DYNLL1: variants seen among roughly 807,000 people sequenced by gnomAD.
DYNLL1 encodes the protein dynein light chain 1, cytoplasmic.
A neutral mutation model predicts 10.1 loss-of-function variants in DYNLL1; 3 were observed. The observed-to-expected ratio is 0.30, with a 90% CI of 0.14 to 0.77. DYNLL1 has a LOEUF of 0.77. Ranked by LOEUF, DYNLL1 falls within the 30% of genes least tolerant of loss-of-function variation. DYNLL1 has a pLI of 0.66. For missense variants in DYNLL1, 47 were observed against 111.7 expected (o/e 0.42, Z 2.61); for synonymous variants, 46 against 41.2 (o/e 1.12, Z -0.45).
intron 1 of DYNLL1, among the ~76,000 whole-genome samples, chr12:120,485,573 C>T (rs1197533489): frequency 3.3e-5 from 5 of 152,112 alleles, no homozygotes; most frequent in Non-Finnish European, 5.9e-5. Context: ...GGTTCAGTGG[C>T]TCATGCCTAT....
chr12:120,476,231 T>G (rs1454757805), intron 1 of DYNLL1, among the ~76,000 whole-genome samples: 2 of 152,052 alleles, frequency 1.3e-5, no homozygotes, highest in Non-Finnish European at 2.9e-5. Context: ...ATGAACTGCG[T>G]CAATATAATT....
chr12:120,494,501 C>A (rs1879217399), upstream of DYNLL1, among the ~76,000 whole-genome samples: 1 of 152,008 alleles, frequency 6.6e-6, no homozygotes. Context: ...GTCTCAAACT[C>A]CTTACCTCAG....
chr12:120,485,430 A>G (rs1392294945), intron 1 of DYNLL1, among the ~76,000 whole-genome samples: 1 of 151,554 alleles, frequency 6.6e-6, no homozygotes, highest in Non-Finnish European at 1.5e-5. Context: ...CAATTTTTGT[A>G]TTTTTAGTAG....
intron 1 of DYNLL1, chr12:120,487,974 G>A (rs1879035436): frequency 6.6e-6 from 1 of 152,236 alleles, no homozygotes; most frequent in Non-Finnish European, 1.5e-5. Context: ...AGAATCTCCA[G>A]AGCACATTAG....
intron 1 of DYNLL1, among the ~76,000 whole-genome samples, chr12:120,481,599 G>A (rs938529443): frequency 4.6e-5 from 7 of 152,234 alleles, no homozygotes; most frequent in African/African-American, 1.7e-4. Context: ...GCGGGGCACA[G>A]CAGGAGGAGG....
chr12:120,479,990 C>A (rs1252221811), intron 1 of DYNLL1, among the ~76,000 whole-genome samples: 1 of 152,084 alleles, frequency 6.6e-6, no homozygotes, highest in Non-Finnish European at 1.5e-5. Context: ...GTGGCATGAT[C>A]AGTCTGGGGG....
At chr12:120,485,839 TAAAAA>T (rs749971979) in intron 1 of DYNLL1, among the ~76,000 whole-genome samples, 2 of 76,246 alleles carry the variant, frequency 2.6e-5, no homozygotes, top group Non-Finnish European at 4.8e-5. Context: ...AGTCCCTGTC[TAAAAA>T]AAAAAAAAAA....
At chr12:120,475,528 A>G (rs1409546835) in intron 1 of DYNLL1, among the ~76,000 whole-genome samples, 2 of 152,210 alleles carry the variant, frequency 1.3e-5, no homozygotes, top group African/African-American at 4.8e-5. Flanking sequence ...GAGAATCTCC[A>G]TGTAGCACTG....
At chr12:120,490,620 G>C (rs2137066655) in intron 1 of DYNLL1, 1 of 152,312 alleles carries the variant, frequency 6.6e-6, no homozygotes, top group African/African-American at 2.4e-5. Flanking sequence ...GATTGTTTAG[G>C]GTGGTGCTTT....
At chr12:120,472,665 A>G (rs1019147401) in intron 1 of DYNLL1, among the ~76,000 whole-genome samples, 9 of 152,230 alleles carry the variant, frequency 5.9e-5, no homozygotes, top group Non-Finnish European at 1.0e-4. Context: ...AAGTGACTCA[A>G]TAGGACTGTA....
chr12:120,489,376 ATTC>A (rs1460338295), intron 1 of DYNLL1, among the ~76,000 whole-genome samples: 2 of 152,172 alleles, frequency 1.3e-5, no homozygotes, highest in African/African-American at 4.8e-5. Flanking sequence ...ATCTCAATCT[ATTC>A]TTCTCATTGT....
chr12:120,475,455 G>A (rs1369275400), intron 1 of DYNLL1, among the ~76,000 whole-genome samples: 1 of 152,180 alleles, frequency 6.6e-6, no homozygotes, highest in South Asian at 2.1e-4. Context: ...CCCTGATCCT[G>A]CAAAGTTGTA....
At chr12:120,476,183 T>C (rs552870059) in intron 1 of DYNLL1, among the ~76,000 whole-genome samples, 1 of 152,312 alleles carries the variant, frequency 6.6e-6, no homozygotes, top group East Asian at 1.9e-4. Flanking sequence ...TCCTAATTTT[T>C]TTAGACCCAA....
upstream of DYNLL1, among the ~76,000 whole-genome samples, chr12:120,493,028 T>G (rs1413923633): frequency 6.6e-6 from 1 of 152,124 alleles, no homozygotes; most frequent in Non-Finnish European, 1.5e-5. Flanking sequence ...TTGGAAAACC[T>G]TTGCAATCCG....
chr12:120,496,804 A>G, intron 2 of DYNLL1: 2 of 608,932 alleles, frequency 3.3e-6, no homozygotes, highest in Middle Eastern at 8.7e-4. Context: ...TAGCAACGGT[A>G]TCTAAGATCA....
chr12:120,480,861 G>A (rs1370700088), intron 1 of DYNLL1, among the ~76,000 whole-genome samples: 1 of 151,362 alleles, frequency 6.6e-6, no homozygotes, highest in South Asian at 2.1e-4. Context: ...CCGGGTTCAC[G>A]TCATTCTCCT....
In DYNLL1 at chr12:120,496,166, C is replaced by G. The variant is rs929768692; in HGVS notation, c.-57C>G. The G allele has an allele frequency of 5.0e-5, 30 of 599,434 alleles. No homozygotes were observed. Among genetic ancestry groups the G allele is most frequent in the Non-Finnish European group, 8.5e-5 (29 of 340,376 alleles). 37.1% of individuals were successfully genotyped at this position (599,434 alleles called of 1,614,324 possible). A position where few individuals can be genotyped will look rare whatever the true frequency, so the allele number is the denominator to read the frequency against. On this transcript the variant is annotated 5_prime_UTR_variant, in exon 1 of 3. Coordinates refer to ENST00000242577, the MANE Select transcript of DYNLL1 (RefSeq NM_003746.3). ...TATCTCTAGCCGGGCCTGAGCTGTG[C>G]TAGCACCTCCCCCAGGAGACCGTTG...
intron 1 of DYNLL1, among the ~76,000 whole-genome samples, chr12:120,483,968 A>G (rs1431682157): frequency 6.6e-6 from 1 of 150,598 alleles, no homozygotes; most frequent in Non-Finnish European, 1.5e-5. Flanking sequence ...AGAATTGGCC[A>G]CTGTGTTTAG....
At chr12:120,496,673 A>C in intron 2 of DYNLL1, 120 bp downstream of exon 2, 1 of 1,555,496 alleles carries the variant, frequency 6.4e-7, no homozygotes, top group South Asian at 1.1e-5. Flanking sequence ...TGGGGCGTAG[A>C]AGCTTCCAGA....
Sources: gnomAD v4.1 joint callset for allele counts (sites outside exome capture counted in the v4.1 genomes callset) on GRCh38, gnomAD v4.1.1 for gene constraint, MANE v1.5 for transcripts, NCBI Gene and HGNC (gene_info 2026-07-23, HGNC 2026-07-21) for gene names.